TTN: variants seen among roughly 807,000 people sequenced by gnomAD.
TTN encodes the protein connectin.
TTN carries 1,525 observed loss-of-function variants against 3,223.0 expected under a neutral mutation model. That is an observed-to-expected ratio of 0.47 (90% CI 0.45 to 0.49). The LOEUF is 0.49. Ranked by LOEUF, TTN falls within the 20% of genes least tolerant of loss-of-function variation. The pLI, the probability that TTN is intolerant of heterozygous loss-of-function variation, is 0.00. For synonymous variants in TTN, 14,094 were observed against 15,161.0 expected (o/e 0.93, Z 5.17); for missense variants, 40,786 against 43,424.0 (o/e 0.94, Z 5.40).
rs535603112 is a variant in TTN, at chr2:178,718,118, A to C, written c.24888T>G (p.Ser8296=). 1 of 1,611,854 alleles carries C rather than the reference A, an allele frequency of 6.2e-7. No individual in the cohort carries two copies. Among genetic ancestry groups the C allele is most frequent in the Non-Finnish European group, 8.5e-7 (1 of 1,179,696 alleles). ...GTAGCTTTGTGTGTTCTTTATACCAAGAAATTCTAATTTCTGGAGTTCCAT... is the reference window on the plus strand; with the variant it reads ...GTAGCTTTGTGTGTTCTTTATACCACGAAATTCTAATTTCTGGAGTTCCAT... ...KVDGTPEIRI[S]WYKEHTKLRS... The change falls in exon 86 of 363, where the codon TCT becomes TCG. Residue 8296 remains serine (S), a synonymous_variant. Coordinates refer to ENST00000589042, the MANE Select transcript of TTN (RefSeq NM_001267550.2).
chr2:178,588,794 T>C lies in TTN; in HGVS notation c.62931A>G (p.Lys20977=), dbSNP rs1313251307. 1 of 1,613,372 alleles carries C rather than the reference T, an allele frequency of 6.2e-7. No individual in the cohort carries two copies. The highest frequency in any genetic ancestry group is 1.7e-5 in the Admixed American group (1 of 59,962). The stretch of plus-strand genomic sequence containing the variant: ...GATTCCAAACCACAGTCATCTCTTC[T>C]TTGCTTACTTTAGTGACTTCTGGGG... The part of the protein sequence containing the change: ...PDPPEVTKVS[K]EEMTVVWNPP... The change falls in exon 304 of 363, where the codon AAA becomes AAG. Residue 20977 remains lysine (K), a synonymous_variant. Coordinates refer to ENST00000589042, the MANE Select transcript of TTN (RefSeq NM_001267550.2).
At chr2:178,794,891 A>G in intron 7 of TTN, 31 bp downstream of exon 7, 1 of 1,598,652 alleles carries the variant, frequency 6.3e-7, no homozygotes, top group Non-Finnish European at 8.5e-7. Context: ...AGAATGTGAA[A>G]TAAGGAAAAA....
At chr2:178,797,922 T>C (rs142060056) in intron 6 of TTN, among the ~76,000 whole-genome samples, 365 of 152,254 alleles carry the variant, frequency 2.4e-3, no homozygotes, top group African/African-American at 8.2e-3. Context: ...ATTTATTCTG[T>C]AAATAGTGAG....
In TTN at chr2:178,794,840, T is replaced by C. The variant is rs2093683271; in HGVS notation, c.1245+82A>G. 3.2e-6 allele frequency: 5 copies of C among 1,554,018 alleles called. No individual in the cohort carries two copies. The South Asian group carries it at 4.5e-5, about 14-fold the overall frequency. ...TCATATGCATTTTTCCTCCAATTTA[T>C]ACAGACTGAGTTTCATGGCAGAAAT... On this transcript the variant is annotated intron_variant, in intron 7 of 362. Transcript: ENST00000589042.
In TTN at chr2:178,664,482, C is replaced by T. The variant is rs2065517125; in HGVS notation, c.36258G>A (p.Arg12086=). 1 of 1,612,182 alleles carries T rather than the reference C, an allele frequency of 6.2e-7. No individual in the cohort carries two copies. Among genetic ancestry groups the T allele is most frequent in the Admixed American group, 1.7e-5 (1 of 59,954 alleles). The change falls in exon 168 of 363, where the codon AGG becomes AGA. Residue 12086 remains arginine, a synonymous_variant. Transcript: ENST00000589042. ...VPEKKVHPPQ[R]AEVVPVKVHE... ...TACCTTTGACAGGTACAACTTCAGC[C>T]CTTTGGGGAGGATGCACTTTCTTTT...
intron 47 of TTN, chr2:178,748,757 CT>C: frequency 6.2e-7 from 1 of 1,612,414 alleles, no homozygotes; most frequent in Non-Finnish European, 8.5e-7. Context: ...CTGTTGTTCC[CT>C]TTCTTGTGCG....
Position 178,794,981 on chromosome 2 carries a change from C to A in TTN, c.1186G>T (p.Ala396Ser), listed in dbSNP as rs200052202. ...TAGCTAGCACTGGCCGACACACTGG[C>A]GGCAGCACCCGCAGCACCACTGATG... Reference protein sequence around the residue: ...VTISGAAGAAASVSASASYAA... With the variant: ...VTISGAAGAASSVSASASYAA... Residue 396 changes from alanine to serine, a missense_variant, in exon 7 of 363, where the codon GCC becomes TCC. Coordinates refer to ENST00000589042, the MANE Select transcript of TTN (RefSeq NM_001267550.2). 92 of 1,607,342 alleles carry A rather than the reference C, an allele frequency of 5.7e-5. No individual in the cohort carries two copies. Among genetic ancestry groups the A allele is most frequent in the Non-Finnish European group, 1.3e-5 (15 of 1,179,982 alleles).
At position 178,545,895 on chromosome 2, in the gene TTN, G is replaced by T. The variant is rs780414947; in HGVS notation, c.95341C>A (p.Arg31781=). Residue 31781 remains arginine (R), a synonymous_variant, in exon 343 of 363, where the codon CGA becomes AGA. Transcript: ENST00000589042. The part of the protein sequence containing the change: ...RLIKNNEYIF[R]VRAVNKYGPG... ...CCATATTTGTTTACTGCCCTCACTC[G>T]GAATATGTACTCATTGTTCTTGATG... 2.0e-5 allele frequency: 33 copies of T among 1,613,726 alleles called. 1 individual carries two copies. In the South Asian group the frequency reaches 3.5e-4, roughly 17 times the overall value.
Position 178,552,953 on chromosome 2 carries a change from C to G in TTN, c.89947G>C (p.Val29983Leu). ...RDATKRTWSV[V>L]SHKCSSTSFK... The stretch of plus-strand genomic sequence containing the variant: ...GATGTGCTAGAACATTTGTGTGACA[C>G]GACAGACCATGTTCTCTTGGTGGCA... The change falls in exon 335 of 363, where the codon GTG becomes CTG. Residue 29983 changes from valine to leucine, a missense_variant. Val to Leu is a conservative substitution (Grantham distance 32). Coordinates refer to ENST00000589042, the MANE Select transcript of TTN (RefSeq NM_001267550.2). 1 of 1,613,374 alleles carries G rather than the reference C, an allele frequency of 6.2e-7. No individual in the cohort carries two copies. Among genetic ancestry groups the G allele is most frequent in the South Asian group, 1.1e-5 (1 of 91,072 alleles).
chr2:178,599,637 C>T lies in TTN; in HGVS notation c.56264G>A (p.Arg18755His), dbSNP rs772767570. The T allele has an allele frequency of 6.8e-6, 11 of 1,612,240 alleles. No individual in the cohort carries two copies. The highest frequency in any genetic ancestry group is 5.3e-5 in the African/African-American group (4 of 74,816). ...DTCTLVIPQS[R>H]RSDTGLYTIT... ...GGTATATAAGCCAGTGTCACTCCTGCGAGACTGCGGAATAACTAAAGTGCA... is the reference window on the plus strand; with the variant it reads ...GGTATATAAGCCAGTGTCACTCCTGTGAGACTGCGGAATAACTAAAGTGCA... The change falls in exon 289 of 363, where the codon CGC (arginine) becomes CAC (histidine). Residue 18755 changes from arginine to histidine, a missense_variant. Coordinates refer to ENST00000589042, the MANE Select transcript of TTN (RefSeq NM_001267550.2).
chr2:178,591,667 T>C lies in TTN; in HGVS notation c.60152A>G (p.Lys20051Arg). 6.2e-7 allele frequency: 1 copy of C among 1,613,488 alleles called. No homozygotes were observed. Among genetic ancestry groups the C allele is most frequent in the Non-Finnish European group, 8.5e-7 (1 of 1,179,576 alleles). ...ACCAAGACCCACAATGTTTTCAGCT[T>C]TTACACGGAATCTATAGGTCTTTCC... Reference protein sequence around the residue: ...QQGKTYRFRVKAENIVGLGLP... With the variant: ...QQGKTYRFRVRAENIVGLGLP... Residue 20051 changes from lysine (K) to arginine (R), a missense_variant, in exon 303 of 363, where the codon AAA becomes AGA. Coordinates refer to ENST00000589042, the MANE Select transcript of TTN (RefSeq NM_001267550.2).
At position 178,568,630 on chromosome 2, in the gene TTN, A is replaced by G; in HGVS notation, c.77502T>C (p.Asp25834=). The G allele has an allele frequency of 1.2e-6, 2 of 1,613,404 alleles. No homozygotes were observed. Among genetic ancestry groups the G allele is most frequent in the Non-Finnish European group, 1.7e-6 (2 of 1,179,552 alleles). The change falls in exon 326 of 363, where the codon GAT becomes GAC. Residue 25834 remains aspartate, a synonymous_variant. Coordinates refer to ENST00000589042, the MANE Select transcript of TTN (RefSeq NM_001267550.2). ...RPKPTITWTK[D]GLPLKQTTRI... ...TTGTGGTCTGCTTCAGTGGGAGACC[A>G]TCTTTAGTCCAGGTAATGGTTGGCT...
In TTN at chr2:178,683,227, T is replaced by G; in HGVS notation, c.32871A>C (p.Glu10957Asp). The change falls in exon 134 of 363, where the codon GAA becomes GAC. Residue 10957 changes from glutamate (E) to aspartate (D), a missense_variant. Transcript: ENST00000589042. Reference sequence around the variant, plus strand: ...TCAATATACCTTTGATGGGTTGAGGTTCTCTTTTTGGAGCTTCAATTGATA... The same window carrying G: ...TCAATATACCTTTGATGGGTTGAGGGTCTCTTTTTGGAGCTTCAATTGATA... ...EKVSIEAPKR[E>D]PQPIKEVTIM... 6.4e-7 allele frequency: 1 copy of G among 1,552,196 alleles called. No individual in the cohort carries two copies. The highest frequency in any genetic ancestry group is 1.2e-5 in the South Asian group (1 of 84,344).
Position 178,774,074 on chromosome 2 carries a change from TG to T in TTN, c.7093del (p.Gln2365LysfsTer25). The stretch of plus-strand genomic sequence containing the variant: ...AACAATGTCACCCTCACAGACTTTT[TG>T]GTCACTAAGTCCTTGTAGGATAGCA... The part of the protein sequence containing the change: ...PIAILQGLSD[Q>X]KVCEGDIVQL... On this transcript the variant is annotated frameshift_variant, in exon 31 of 363. Transcript: ENST00000589042. LOFTEE classifies it high-confidence loss of function. 6.2e-7 allele frequency: 1 copy of T among 1,614,074 alleles called. No homozygotes were observed. Among genetic ancestry groups the T allele is most frequent in the Non-Finnish European group, 8.5e-7 (1 of 1,179,974 alleles).
In TTN at chr2:178,633,964, C is replaced by T. The variant is rs780353399; in HGVS notation, c.42535G>A (p.Ala14179Thr). 6.2e-7 allele frequency: 1 copy of T among 1,613,342 alleles called. No individual in the cohort carries two copies. The highest frequency in any genetic ancestry group is 8.5e-7 in the Non-Finnish European group (1 of 1,179,540). ...KMHVVWFKND[A>T]KLHTSRTVLI... ...ACTGTTCTGCTTGTATGGAGTTTGG[C>T]ATCATTTTTGAACCAGACTACATGC... The change falls in exon 231 of 363, where the codon GCC (alanine) becomes ACC (threonine). Residue 14179 changes from alanine to threonine, a missense_variant. Ala to Thr is a moderately conservative substitution (Grantham distance 58, BLOSUM62 0). Transcript: ENST00000589042.
intron 164 of TTN, 32 bp from the exon 165 acceptor site, chr2:178,665,492 TA>T: frequency 6.2e-7 from 1 of 1,602,654 alleles, no homozygotes; most frequent in Non-Finnish European, 8.5e-7. Flanking sequence ...GGTTAGAGGT[TA>T]AAAGGATCAG....
rs1453348748 is a variant in TTN at position 178,582,038 on chromosome 2, T to C, written c.66331A>G (p.Ile22111Val). The change falls in exon 315 of 363, where the codon ATA (isoleucine) becomes GTA (valine). Residue 22111 changes from isoleucine (I) to valine (V), a missense_variant. By Grantham distance (29) the Ile-to-Val change is conservative. Transcript: ENST00000589042. ...CCTGTTGCTTTTAATGTTCTTTCTA[T>C]AATAGGTTTTCTGTTGACCTTAGTC... ...NWTKVNRKPI[I>V]ERTLKATGLQ... is the part of the protein sequence containing the mutation. The C allele has an allele frequency of 6.2e-7, 1 of 1,613,352 alleles. No individual in the cohort carries two copies. The highest frequency in any genetic ancestry group is 8.5e-7 in the Non-Finnish European group (1 of 1,179,500).
chr2:178,607,303 G>A lies in TTN; in HGVS notation c.53299C>T (p.Pro17767Ser). ...ARVEVFDVPG[P>S]VLDLKPVVTN... The stretch of plus-strand genomic sequence containing the variant: ...ACAACAGGTTTTAAGTCAAGAACTG[G>A]ACCAGGGACATCTGAAAACAAAACA... The change falls in exon 278 of 363, where the codon CCA (proline) becomes TCA (serine). Residue 17767 changes from proline to serine, a missense_variant. By Grantham distance (74) the Pro-to-Ser change is moderately conservative (BLOSUM62 -1). Transcript: ENST00000589042. The A allele has an allele frequency of 6.2e-7, 1 of 1,612,428 alleles. No homozygotes were observed. The highest frequency in any genetic ancestry group is 8.5e-7 in the Non-Finnish European group (1 of 1,179,232).
At position 178,543,560 on chromosome 2, in the gene TTN, T is replaced by A; in HGVS notation, c.96413A>T (p.Asn32138Ile). Residue 32138 changes from asparagine to isoleucine, a missense_variant, in exon 347 of 363, where the codon AAC becomes ATC. Asn to Ile is a moderately radical substitution (Grantham distance 149, BLOSUM62 -3). Coordinates refer to ENST00000589042, the MANE Select transcript of TTN (RefSeq NM_001267550.2). ...TTCACGCTTCTCAACGATGTAATTG[T>A]TGACTGGAGCTCCACCATCAATCGT... ...IPTIDGGAPV[N>I]NYIVEKREAA... The A allele has an allele frequency of 1.2e-6, 2 of 1,611,216 alleles. No individual in the cohort carries two copies. Among genetic ancestry groups the A allele is most frequent in the Non-Finnish European group, 1.7e-6 (2 of 1,179,718 alleles).
Sources: gnomAD v4.1 joint callset for allele counts (sites outside exome capture counted in the v4.1 genomes callset) on GRCh38, gnomAD v4.1.1 for gene constraint, MANE v1.5 for transcripts, NCBI Gene and HGNC (gene_info 2026-07-23, HGNC 2026-07-21) for gene names.